STEAP1B: variants seen among roughly 807,000 people sequenced by gnomAD.
STEAP1B encodes STEAP family member 1B.
A neutral mutation model predicts 27.9 loss-of-function variants in STEAP1B; 13 were observed. The observed-to-expected ratio is 0.47, with a 90% CI of 0.30 to 0.74. The LOEUF (loss-of-function observed/expected upper bound fraction) is 0.74, where lower values mean the gene tolerates loss of function less well. Among genes scored for constraint, STEAP1B ranks in the 30% least tolerant of loss-of-function variants. The pLI, the probability that STEAP1B is intolerant of heterozygous loss-of-function variation, is 0.06. For synonymous variants in STEAP1B, 86 were observed against 107.1 expected, an observed-to-expected ratio of 0.80 and a Z score of 1.22; for missense variants, 250 against 298.7, an observed-to-expected ratio of 0.84 and a Z score of 1.20.
intron 4 of STEAP1B, among the ~76,000 whole-genome samples, chr7:22,472,258 A>G (rs545371258): frequency 6.6e-6 from 1 of 152,294 alleles, no homozygotes; most frequent in African/African-American, 2.4e-5. Context: ...TTGAAACCCC[A>G]TATCTGGAAG....
intron 4 of STEAP1B, among the ~76,000 whole-genome samples, chr7:22,475,286 G>T (rs537389835): frequency 1.3e-5 from 2 of 152,148 alleles, no homozygotes; most frequent in African/African-American, 4.8e-5. Context: ...AGTCACATCC[G>T]CCTGGAGTCA....
At chr7:22,477,726 AAG>A (rs1376482620) in intron 4 of STEAP1B, among the ~76,000 whole-genome samples, 2 of 152,048 alleles carry the variant, frequency 1.3e-5, no homozygotes, top group East Asian at 1.9e-4. Flanking sequence ...GGACATCAAC[AAG>A]AGGTTTTTTT....
At chr7:22,486,816 G>A (rs951440929) in intron 4 of STEAP1B, among the ~76,000 whole-genome samples, 3 of 151,922 alleles carry the variant, frequency 2.0e-5, no homozygotes, top group African/African-American at 4.8e-5. Context: ...GCCCTTCCTG[G>A]TGGATCCTGT....
At position 22,419,795 on chromosome 7, in the gene STEAP1B, C is replaced by A; in HGVS notation, c.*9G>T. On this transcript the variant is annotated 3_prime_UTR_variant, in exon 5 of 5. Coordinates refer to ENST00000678116, the MANE Select transcript of STEAP1B (RefSeq NM_001382447.1). ...TTCTCATTTCCTCTCATGTTACTGG[C>A]AGGATCTGTCACAAGGTCAGGAAGT... The A allele has an allele frequency of 6.5e-7, 1 of 1,549,366 alleles. No individual in the cohort carries two copies. The highest frequency in any genetic ancestry group is 8.7e-7 in the Non-Finnish European group (1 of 1,145,682).
At chr7:22,461,485 A>C (rs1785678062) in intron 4 of STEAP1B, among the ~76,000 whole-genome samples, 1 of 150,614 alleles carries the variant, frequency 6.6e-6, no homozygotes, top group African/African-American at 2.4e-5. Context: ...CTGGTCTTGA[A>C]CTCCTGACCT....
At chr7:22,471,042 G>A (rs1422641466) in intron 4 of STEAP1B, among the ~76,000 whole-genome samples, 4 of 149,408 alleles carry the variant, frequency 2.7e-5, no homozygotes, top group Admixed American at 1.3e-4. Context: ...TTTAAATTGA[G>A]TAAGGAAACC....
chr7:22,458,376 G>A (rs1175741457), intron 4 of STEAP1B, among the ~76,000 whole-genome samples: 1 of 152,202 alleles, frequency 6.6e-6, no homozygotes, highest in East Asian at 1.9e-4. Flanking sequence ...GGAGGAGGAG[G>A]AGTTGATGCC....
Position 22,465,777 on chromosome 7 carries a change from A to G in STEAP1B, c.762+26788T>C, listed in dbSNP as rs1785767554. ...CAGTGGCAGCAGGCTGGACAGGAGA[A>G]CCGCCTTATGCATAGAAATAGTCCA... On this transcript the variant is annotated intron_variant, in intron 4 of 4. Transcript: ENST00000678116. Among the ~76,000 whole-genome samples, 3 of 152,286 alleles carry G rather than the reference A, an allele frequency of 2.0e-5. No individual in the cohort carries two copies. The South Asian group carries it at 6.2e-4, about 32-fold the overall frequency.
In STEAP1B at chr7:22,448,642, C is replaced by T. The variant is rs866605147; in HGVS notation, c.763-28806G>A. Among the ~76,000 whole-genome samples the T allele has an allele frequency of 3.9e-5, 6 of 152,094 alleles. 1 individual carries two copies. The Middle Eastern group carries it at 0.017, about 431-fold the overall frequency. ...ACAACATAAATATGACAACTTTAGA[C>T]AATGCAGCATAAAATCAGGAGAGGT... is the stretch of plus-strand genomic sequence containing the variant. On this transcript the variant is annotated intron_variant, in intron 4 of 4. Transcript: ENST00000678116.
intron 1 of STEAP1B, among the ~76,000 whole-genome samples, chr7:22,499,564 T>A (rs1583359160): frequency 6.6e-6 from 1 of 152,220 alleles, no homozygotes; most frequent in African/African-American, 2.4e-5. Context: ...CTCCTTCCAG[T>A]GGATTTGACC....
intron 4 of STEAP1B, among the ~76,000 whole-genome samples, chr7:22,451,097 T>C (rs1013747613): frequency 1.6e-4 from 24 of 152,070 alleles, no homozygotes; most frequent in African/African-American, 5.8e-4. Context: ...CTCAGGAGGC[T>C]GAGGCACAAG....
intron 4 of STEAP1B, among the ~76,000 whole-genome samples, chr7:22,448,501 T>C (rs796863823): frequency 5.9e-5 from 9 of 152,332 alleles, no homozygotes; most frequent in African/African-American, 1.4e-4. Flanking sequence ...TAATTCTGTG[T>C]AGTAATAATA....
In STEAP1B at chr7:22,441,064, T is replaced by A. The variant is rs185478805; in HGVS notation, c.763-21228A>T. Among the ~76,000 whole-genome samples the A allele has an allele frequency of 6.6e-5, 10 of 151,610 alleles. No individual in the cohort carries two copies. The East Asian group carries it at 1.7e-3, about 26-fold the overall frequency. On this transcript the variant is annotated intron_variant, in intron 4 of 4. Coordinates refer to ENST00000678116, the MANE Select transcript of STEAP1B (RefSeq NM_001382447.1). ...TAAAAATTTTTTTCTAAATAGAAAA[T>A]GTTATTTTCTATCTTTAAAAAGAGT... is the stretch of plus-strand genomic sequence containing the variant.
chr7:22,432,373 TAATAAATAAATAAATAAATAAATA>T (rs147989425), intron 4 of STEAP1B, among the ~76,000 whole-genome samples: 2 of 137,530 alleles, frequency 1.5e-5, no homozygotes, highest in Non-Finnish European at 3.1e-5. Flanking sequence ...ACCCTATACC[TAATAAATAAATAAATAAATAAATA>T]AATAAATAAA....
At chr7:22,433,539 C>T (rs752260414) in intron 4 of STEAP1B, among the ~76,000 whole-genome samples, 3 of 151,400 alleles carry the variant, frequency 2.0e-5, no homozygotes, top group South Asian at 4.2e-4. Flanking sequence ...AGCACAAAGA[C>T]AGGTTAGGCC....
chr7:22,477,872 G>T (rs1448547472), intron 4 of STEAP1B, among the ~76,000 whole-genome samples: 3 of 152,020 alleles, frequency 2.0e-5, no homozygotes, highest in Non-Finnish European at 2.9e-5. Context: ...GTAGACCTGT[G>T]GGTCCCATGA....
chr7:22,470,299 C>T (rs1664819474), intron 4 of STEAP1B, among the ~76,000 whole-genome samples: 1 of 152,058 alleles, frequency 6.6e-6, no homozygotes, highest in African/African-American at 2.4e-5. Context: ...TCCCCAAAGG[C>T]CAAAGTTGAC....
intron 4 of STEAP1B, among the ~76,000 whole-genome samples, chr7:22,484,467 C>T (rs894591920): frequency 2.6e-5 from 4 of 152,192 alleles, no homozygotes; most frequent in African/African-American, 7.2e-5. Flanking sequence ...CTGTTGAGAC[C>T]TACTGCTCAT....
At chr7:22,456,981 T>A (rs1451999840) in intron 4 of STEAP1B, among the ~76,000 whole-genome samples, 12 of 129,116 alleles carry the variant, frequency 9.3e-5, no homozygotes, top group African/African-American at 2.3e-4. Flanking sequence ...TATTTTTTTT[T>A]TTTTTAAGTA....
Sources: allele counts gnomAD v4.1 joint callset (sites outside exome capture counted in the v4.1 genomes callset), GRCh38; gene constraint gnomAD v4.1.1; transcripts MANE v1.5; gene names NCBI Gene and HGNC (gene_info 2026-07-23, HGNC 2026-07-21).